Variants in AOPEP observed in about 807,000 individuals in gnomAD.
AOPEP encodes aminopeptidase O (putative), also known as aminopeptidase O.
A neutral mutation model predicts 98.1 loss-of-function variants in AOPEP; 77 were observed. The ratio of observed to expected loss-of-function variants is 0.78; its 90% CI spans 0.65 to 0.95. The LOEUF is 0.95. Among genes scored for constraint, AOPEP ranks in the 40% least tolerant of loss-of-function variants. AOPEP has a pLI of 0.00. For synonymous variants in AOPEP, 346 were observed against 365.3 expected, an observed-to-expected ratio of 0.95 and a Z score of 0.60; for missense variants, 1,024 against 1,024.7, an observed-to-expected ratio of 1.00 and a Z score of 0.01.
At chr9:94,992,636 C>CTGGT (rs2060966016) in intron 11 of AOPEP, among the ~76,000 whole-genome samples, 1 of 152,196 alleles carries the variant, frequency 6.6e-6, no homozygotes. Flanking sequence ...GCTTTGGAGT[C>CTGGT]AGCTCTACCA....
intron 5 of AOPEP, among the ~76,000 whole-genome samples, chr9:94,886,802 AAG>A (rs1202636116): frequency 6.6e-6 from 1 of 152,150 alleles, no homozygotes; most frequent in African/African-American, 2.4e-5. Flanking sequence ...AAATTCTTTA[AAG>A]TACCCACAAT....
intron 1 of AOPEP, among the ~76,000 whole-genome samples, chr9:94,757,288 G>A (rs1837269868): frequency 6.6e-6 from 1 of 152,234 alleles, no homozygotes; most frequent in South Asian, 2.1e-4. Flanking sequence ...GCTTGGAATT[G>A]GAAAGTTAAA....
the AOPEP span, among the ~76,000 whole-genome samples, chr9:95,137,102 GGCGTAAGCC>G: frequency 6.6e-6 from 1 of 152,146 alleles, no homozygotes; most frequent in African/African-American, 2.4e-5. Flanking sequence ...CTAAAGTGGG[GGCGTAAGCC>G]TCCCACCGAC....
intron 5 of AOPEP, among the ~76,000 whole-genome samples, chr9:94,822,162 A>G (rs766822125): frequency 6.6e-6 from 1 of 152,214 alleles, no homozygotes; most frequent in Non-Finnish European, 1.5e-5. Flanking sequence ...GGCCCAGAGA[A>G]CATGGCAGAC....
At chr9:94,870,845 G>C (rs940988208) in intron 5 of AOPEP, among the ~76,000 whole-genome samples, 6 of 152,214 alleles carry the variant, frequency 3.9e-5, no homozygotes, top group African/African-American at 1.4e-4. Flanking sequence ...ACCTGCCTTT[G>C]GCTTCAAAGG....
the AOPEP span, chr9:95,110,958 C>CTGAT: frequency 1.1e-5 from 15 of 1,393,012 alleles, no homozygotes; most frequent in Non-Finnish European, 1.4e-5. Flanking sequence ...TTAATATCAT[C>CTGAT]TGATTACTTT....
chr9:94,901,729 C>G (rs964147370), intron 5 of AOPEP, among the ~76,000 whole-genome samples: 1 of 152,016 alleles, frequency 6.6e-6, no homozygotes, highest in Non-Finnish European at 1.5e-5. Flanking sequence ...CACTTGAGGC[C>G]AGGAGTTCAA....
intron 7 of AOPEP, among the ~76,000 whole-genome samples, chr9:94,954,712 A>T (rs1162480470): frequency 6.6e-6 from 1 of 152,174 alleles, no homozygotes; most frequent in Non-Finnish European, 1.5e-5. Context: ...TAATTCTAAT[A>T]TGGGTGGAAA....
At chr9:94,905,341 TAC>T (rs1249620984) in intron 5 of AOPEP, among the ~76,000 whole-genome samples, 1 of 152,218 alleles carries the variant, frequency 6.6e-6, no homozygotes, top group Non-Finnish European at 1.5e-5. Context: ...ATGCTCCACT[TAC>T]ATATCGTTTA....
intron 3 of AOPEP, among the ~76,000 whole-genome samples, chr9:94,786,730 G>T (rs1844510753): frequency 6.6e-6 from 1 of 152,170 alleles, no homozygotes; most frequent in Admixed American, 6.5e-5. Context: ...CACTAGCAGC[G>T]CTCCATGATC....
chr9:95,007,327 C>T (rs886781563), intron 13 of AOPEP, among the ~76,000 whole-genome samples: 18 of 151,054 alleles, frequency 1.2e-4, no homozygotes, highest in African/African-American at 2.9e-4. Flanking sequence ...TAGAAGTAAC[C>T]GTATTTGTGA....
intron 5 of AOPEP, among the ~76,000 whole-genome samples, chr9:94,872,253 C>T (rs1337240394): frequency 1.3e-5 from 2 of 152,082 alleles, no homozygotes; most frequent in African/African-American, 2.4e-5. Context: ...GAGATCTAAA[C>T]GGGGGCAGTA....
At chr9:95,097,724 G>A in the AOPEP span, among the ~76,000 whole-genome samples, 6 of 152,340 alleles carry the variant, frequency 3.9e-5, no homozygotes, top group East Asian at 9.6e-4. Flanking sequence ...ACCATGACAG[G>A]AGCGGGAGGG....
intron 13 of AOPEP, among the ~76,000 whole-genome samples, chr9:95,035,970 A>T (rs1208223612): frequency 2.6e-5 from 4 of 152,272 alleles, no homozygotes; most frequent in Non-Finnish European, 5.9e-5. Flanking sequence ...AATAGGTCTG[A>T]GGGTGGTGAC....
chr9:95,126,028 CAAG>C, the AOPEP span, among the ~76,000 whole-genome samples: 1 of 152,190 alleles, frequency 6.6e-6, no homozygotes, highest in African/African-American at 2.4e-5. Context: ...ATGCATTTCC[CAAG>C]AAGTACTCAT....
chr9:94,728,847 G>GA (rs534044189), intron 1 of AOPEP, among the ~76,000 whole-genome samples: 66 of 152,220 alleles, frequency 4.3e-4, no homozygotes, highest in Non-Finnish European at 9.0e-4. Flanking sequence ...TGTGTGGGAT[G>GA]AGGAAGAAAT....
chr9:94,990,538 C>T (rs1050173921), intron 11 of AOPEP, among the ~76,000 whole-genome samples: 1 of 152,108 alleles, frequency 6.6e-6, no homozygotes, highest in African/African-American at 2.4e-5. Flanking sequence ...TTAAGAAAAA[C>T]TGCCCCCATT....
At chr9:95,074,065 G>A (rs1231901322) in intron 14 of AOPEP, among the ~76,000 whole-genome samples, 1 of 152,098 alleles carries the variant, frequency 6.6e-6, no homozygotes, top group Non-Finnish European at 1.5e-5. Context: ...TCATGCAGTT[G>A]GCTGCCATGA....
the AOPEP span, chr9:95,101,421 T>C: frequency 2.0e-6 from 1 of 493,544 alleles, no homozygotes; most frequent in African/African-American, 1.9e-5. Context: ...CCCAGGCCTT[T>C]GCTTTAGTAA....
Sources: allele counts gnomAD v4.1 joint callset (sites outside exome capture counted in the v4.1 genomes callset), GRCh38; gene constraint gnomAD v4.1.1; transcripts MANE v1.5; gene names NCBI Gene and HGNC (gene_info 2026-07-23, HGNC 2026-07-21).